RHOJ: variants seen among roughly 807,000 people sequenced by gnomAD.
RHOJ encodes ras homolog family member J.
RHOJ carries 11 observed loss-of-function variants against 23.4 expected under a neutral mutation model. The observed-to-expected ratio is 0.47, with a 90% CI of 0.30 to 0.78. The LOEUF is 0.78. Ranked by LOEUF, RHOJ falls within the 30% of genes least tolerant of loss-of-function variation. RHOJ has a pLI of 0.08. For synonymous variants in RHOJ, 102 were observed against 102.7 expected (o/e 0.99, Z 0.04); for missense variants, 254 against 273.4 (o/e 0.93, Z 0.50).
chr14:63,257,843 G>A (rs1445599104), intron 1 of RHOJ, among the ~76,000 whole-genome samples: 1 of 149,346 alleles, frequency 6.7e-6, no homozygotes, highest in East Asian at 2.1e-4. Context: ...GAGGGGAGGT[G>A]ATTTCACATC....
chr14:63,243,606 C>G (rs1214024699), intron 1 of RHOJ, among the ~76,000 whole-genome samples: 1 of 152,142 alleles, frequency 6.6e-6, no homozygotes, highest in Non-Finnish European at 1.5e-5. Flanking sequence ...TCCCGAAGTG[C>G]CAGGATTACA....
At chr14:63,234,611 AC>A (rs1894754987) in intron 1 of RHOJ, among the ~76,000 whole-genome samples, 1 of 152,180 alleles carries the variant, frequency 6.6e-6, no homozygotes, top group Non-Finnish European at 1.5e-5. Context: ...TGAATATATA[AC>A]CCACACATGT....
rs111236794 is a variant in RHOJ at position 63,291,016 on chromosome 14, A to C, written c.637A>C (p.Ile213Leu). ...TTCTGAGGGTCACAGCTGCTGTTCA[A>C]TTATCTGAGGTTGTCTGGGACCTGC... is the stretch of plus-strand genomic sequence containing the variant. ...RCSEGHSCCS[I>L]I Residue 213 changes from isoleucine (I) to leucine (L), a missense_variant, in exon 5 of 5, where the codon ATT becomes CTT. By Grantham distance (5) the Ile-to-Leu change is conservative. Transcript: ENST00000316754. 8.1e-6 allele frequency: 13 copies of C among 1,614,048 alleles called. No homozygotes were observed. The highest frequency in any genetic ancestry group is 1.3e-5 in the African/African-American group (1 of 74,926).
chr14:63,270,823 A>G (rs898147669), intron 2 of RHOJ, among the ~76,000 whole-genome samples: 3 of 152,188 alleles, frequency 2.0e-5, no homozygotes, highest in African/African-American at 7.2e-5. Context: ...GGCTTCCGAA[A>G]AAGTCTCTCT....
rs761301298 is a variant in RHOJ at position 63,293,361 on chromosome 14, T to C, written c.*2337T>C. On this transcript the variant is annotated 3_prime_UTR_variant, in exon 5 of 5. Coordinates refer to ENST00000316754, the MANE Select transcript of RHOJ (RefSeq NM_020663.5). ...GCTCCCGAGGTCACCACTTCCCTAA[T>C]GGGCCACAGGAAGTAAGTTGATCTT... The C allele has an allele frequency of 6.6e-6, 1 of 152,274 alleles. No individual in the cohort carries two copies. Among genetic ancestry groups the C allele is most frequent in the South Asian group, 2.1e-4 (1 of 4,822 alleles). 9.4% of individuals were successfully genotyped at this position (152,274 alleles called of 1,614,324 possible). A position where few individuals can be genotyped will look rare whatever the true frequency, so the allele number is the denominator to read the frequency against.
chr14:63,204,907 G>A lies in RHOJ; in HGVS notation c.38G>A (p.Cys13Tyr), dbSNP rs1894072886. The A allele has an allele frequency of 6.2e-7, 1 of 1,614,144 alleles. No homozygotes were observed. Residue 13 changes from cysteine to tyrosine, a missense_variant, in exon 1 of 5, where the codon TGC becomes TAC. Physicochemically the swap from Cys to Tyr is radical, Grantham distance 194. Transcript: ENST00000316754. ...CKEGTDSSCG[C>Y]RGNDEKKMLK... ...GAGGGAACTGACAGCAGCTGCGGCT[G>A]CAGGGGCAACGACGAGAAGAAGATG... is the stretch of plus-strand genomic sequence containing the variant.
At position 63,263,344 on chromosome 14, in the gene RHOJ, T is replaced by C. The variant is rs182104590; in HGVS notation, c.179-5766T>C. ...CTGATTTCCAAATTAAGAAGCCTCA[T>C]AGGACACAGGCTGGCAAGCAATAAG... On this transcript the variant is annotated intron_variant, in intron 1 of 4. Transcript: ENST00000316754. Among the ~76,000 whole-genome samples, 115 of 152,318 alleles carry C rather than the reference T, an allele frequency of 7.5e-4. 1 individual carries two copies. Among genetic ancestry groups the C allele is most frequent in the African/African-American group, 2.3e-3 (97 of 41,574 alleles).
intron 3 of RHOJ, among the ~76,000 whole-genome samples, chr14:63,281,373 A>AT (rs1037556283): frequency 7.2e-5 from 11 of 151,958 alleles, no homozygotes; most frequent in African/African-American, 9.7e-5. Context: ...AATCTCTATG[A>AT]TTTTTTTTAA....
chr14:63,214,852 T>G (rs954177476), intron 1 of RHOJ, among the ~76,000 whole-genome samples: 2 of 152,114 alleles, frequency 1.3e-5, no homozygotes, highest in Non-Finnish European at 2.9e-5. Context: ...AAGCTACATA[T>G]GGGTGAATCA....
intron 1 of RHOJ, among the ~76,000 whole-genome samples, chr14:63,228,371 C>A (rs1378878004): frequency 6.6e-6 from 1 of 152,134 alleles, no homozygotes; most frequent in Non-Finnish European, 1.5e-5. Context: ...TGTTCTCATA[C>A]ATGTGCAGAA....
intron 1 of RHOJ, among the ~76,000 whole-genome samples, chr14:63,215,664 A>G (rs915333122): frequency 2.0e-5 from 3 of 152,164 alleles, no homozygotes; most frequent in African/African-American, 7.2e-5. Context: ...AAATGGCAGA[A>G]TTGGGATTCA....
In RHOJ at chr14:63,229,426, T is replaced by C. The variant is rs559711883; in HGVS notation, c.178+24379T>C. Among the ~76,000 whole-genome samples, 243 of 152,218 alleles carry C rather than the reference T, an allele frequency of 1.6e-3. 1 individual carries two copies. The highest frequency in any genetic ancestry group is 5.7e-3 in the African/African-American group (236 of 41,540). ...TGCTTAAGGTATCATAAGGTCAAAA[T>C]CAAATTGGTGGCCAGGCTGGTCTTA... On this transcript the variant is annotated intron_variant, in intron 1 of 4. Transcript: ENST00000316754.
At chr14:63,260,911 A>C (rs1044197901) in intron 1 of RHOJ, among the ~76,000 whole-genome samples, 7 of 152,156 alleles carry the variant, frequency 4.6e-5, no homozygotes, top group Admixed American at 3.9e-4. Flanking sequence ...TTATATCAAC[A>C]CTACATTAGC....
At chr14:63,263,512 T>C (rs1289097830) in intron 1 of RHOJ, among the ~76,000 whole-genome samples, 2 of 152,150 alleles carry the variant, frequency 1.3e-5, no homozygotes, top group East Asian at 1.9e-4. Flanking sequence ...TTCCTTCTGA[T>C]AGAACGAGAG....
At chr14:63,221,619 C>T (rs776194418) in intron 1 of RHOJ, among the ~76,000 whole-genome samples, 3 of 152,184 alleles carry the variant, frequency 2.0e-5, no homozygotes, top group Non-Finnish European at 4.4e-5. Flanking sequence ...CATGGATGTG[C>T]CCAAGGAGTT....
At chr14:63,287,302 A>G (rs1472835194) in intron 4 of RHOJ, among the ~76,000 whole-genome samples, 1 of 152,194 alleles carries the variant, frequency 6.6e-6, no homozygotes, top group South Asian at 2.1e-4. Flanking sequence ...GCCATAAGGG[A>G]GGTTACTTAG....
At chr14:63,275,786 T>G (rs943639510) in intron 2 of RHOJ, among the ~76,000 whole-genome samples, 4 of 152,160 alleles carry the variant, frequency 2.6e-5, no homozygotes, top group African/African-American at 9.7e-5. Context: ...AAACCACTTA[T>G]CCACTTCTCG....
chr14:63,290,950 A>G lies in RHOJ; in HGVS notation c.571A>G (p.Ile191Val), dbSNP rs1882231505. 1.2e-6 allele frequency: 2 copies of G among 1,614,090 alleles called. No individual in the cohort carries two copies. Among genetic ancestry groups the G allele is most frequent in the South Asian group, 2.2e-5 (2 of 91,068 alleles). The change falls in exon 5 of 5, where the codon ATC becomes GTC. Residue 191 changes from isoleucine (I) to valine (V), a missense_variant. Coordinates refer to ENST00000316754, the MANE Select transcript of RHOJ (RefSeq NM_020663.5). ...KGLKAVFDEA[I>V]LTIFHPKKKK... ...TCTCAAAGCGGTTTTTGATGAAGCA[A>G]TCCTCACCATTTTCCACCCCAAGAA... is the stretch of plus-strand genomic sequence containing the variant.
chr14:63,208,149 C>A (rs1266925484), intron 1 of RHOJ, among the ~76,000 whole-genome samples: 1 of 152,018 alleles, frequency 6.6e-6, no homozygotes, highest in Non-Finnish European at 1.5e-5. Flanking sequence ...ATCAGTTTTG[C>A]ATGAGTAAAA....
Sources: allele counts gnomAD v4.1 joint callset (sites outside exome capture counted in the v4.1 genomes callset), GRCh38; gene constraint gnomAD v4.1.1; transcripts MANE v1.5; gene names NCBI Gene and HGNC (gene_info 2026-07-23, HGNC 2026-07-21).